The following FOXP2 variants were observed in gnomAD, a reference collection of about 807,000 sequenced individuals.
The protein encoded by FOXP2 is forkhead box protein P2.
A neutral mutation model predicts 115.8 loss-of-function variants in FOXP2; 12 were observed. That is an observed-to-expected ratio of 0.10 (90% CI 0.07 to 0.17). The LOEUF (loss-of-function observed/expected upper bound fraction) is 0.17, where lower values mean the gene tolerates loss of function less well. FOXP2 is among the 10% of genes least tolerant of loss of function. The probability of loss-of-function intolerance (pLI) is 1.00; values close to 1 mark genes in which losing one functional copy is unlikely to be tolerated. For synonymous variants in FOXP2, 328 were observed against 297.7 expected, an observed-to-expected ratio of 1.10 and a Z score of -1.05; for missense variants, 629 against 843.5, an observed-to-expected ratio of 0.75 and a Z score of 3.15.
At chr7:114,471,113 T>A (rs1053594112) in intron 2 of FOXP2, among the ~76,000 whole-genome samples, 2 of 152,210 alleles carry the variant, frequency 1.3e-5, no homozygotes, top group Admixed American at 1.3e-4. Context: ...TTCTTCAGTA[T>A]TTTTTAAGTA....
chr7:114,391,264 G>A (rs749542893), intron 2 of FOXP2, among the ~76,000 whole-genome samples: 42 of 151,934 alleles, frequency 2.8e-4, no homozygotes, highest in Non-Finnish European at 5.4e-4. Context: ...TCCATTTGGC[G>A]ACATGCCCCT....
At chr7:114,196,138 G>A (rs1219530635) in intron 1 of FOXP2, among the ~76,000 whole-genome samples, 3 of 151,922 alleles carry the variant, frequency 2.0e-5, no homozygotes, top group Admixed American at 6.6e-5. Context: ...TCAGCCTCCC[G>A]AGTAGCTGGG....
intron 2 of FOXP2, among the ~76,000 whole-genome samples, chr7:114,373,719 C>T (rs542583924): frequency 1.4e-4 from 22 of 152,308 alleles, no homozygotes; most frequent in African/African-American, 5.1e-4. Flanking sequence ...CTGTAGATAT[C>T]GTTTTCATGT....
At chr7:114,419,016 T>G (rs1793476893) in intron 1 of FOXP2, among the ~76,000 whole-genome samples, 1 of 152,106 alleles carries the variant, frequency 6.6e-6, no homozygotes, top group South Asian at 2.1e-4. Flanking sequence ...CACACTCTTC[T>G]CAGTTGCTTT....
chr7:114,692,669 G>A lies in FOXP2; in HGVS notation c.*2743G>A. 1 of 444,002 alleles carries A rather than the reference G, an allele frequency of 2.3e-6. No homozygotes were observed. Among genetic ancestry groups the A allele is most frequent in the Non-Finnish European group, 4.5e-6 (1 of 222,786 alleles). 27.5% of individuals were successfully genotyped at this position (444,002 alleles called of 1,614,324 possible). On this transcript the variant is annotated 3_prime_UTR_variant, in exon 17 of 17. Coordinates refer to ENST00000350908, the MANE Select transcript of FOXP2 (RefSeq NM_014491.4). ...ATGTATTTATTGCTTGAACTTCTGT[G>A]CATACCTTATAAAGCATAATGTCTG...
intron 2 of FOXP2, among the ~76,000 whole-genome samples, chr7:114,529,492 T>A (rs911864309): frequency 6.6e-6 from 1 of 151,864 alleles, no homozygotes; most frequent in Non-Finnish European, 1.5e-5. Context: ...CTTATTATAG[T>A]GTAGTATTAT....
chr7:114,604,906 A>T (rs1209454999), intron 3 of FOXP2, among the ~76,000 whole-genome samples: 2 of 152,212 alleles, frequency 1.3e-5, no homozygotes, highest in Non-Finnish European at 2.9e-5. Flanking sequence ...ATTTAAATTC[A>T]GTTCCAGTCC....
intron 1 of FOXP2, among the ~76,000 whole-genome samples, chr7:114,224,311 G>C (rs1794695631): frequency 6.6e-6 from 1 of 152,060 alleles, no homozygotes; most frequent in Non-Finnish European, 1.5e-5. Context: ...GAAAGCTTTT[G>C]GGATTTTCAT....
intron 1 of FOXP2, among the ~76,000 whole-genome samples, chr7:114,129,959 C>T (rs1791824693): frequency 6.6e-6 from 1 of 152,110 alleles, no homozygotes; most frequent in Non-Finnish European, 1.5e-5. Flanking sequence ...GTCACTAAAA[C>T]ATCACAAAAT....
chr7:114,214,456 A>C (rs1416638193), intron 1 of FOXP2, among the ~76,000 whole-genome samples: 1 of 152,210 alleles, frequency 6.6e-6, no homozygotes, highest in Non-Finnish European at 1.5e-5. Flanking sequence ...ATTAAAACCA[A>C]AGAAGTAACT....
intron 1 of FOXP2, among the ~76,000 whole-genome samples, chr7:114,166,995 T>A (rs1308130485): frequency 1.3e-5 from 2 of 152,190 alleles, no homozygotes; most frequent in Non-Finnish European, 2.9e-5. Flanking sequence ...ATATAACCAC[T>A]TTGAAAGACA....
chr7:114,143,147 CAATAATAATAATAAT>C (rs77761140), intron 1 of FOXP2, among the ~76,000 whole-genome samples: 11 of 139,552 alleles, frequency 7.9e-5, no homozygotes, highest in Non-Finnish European at 1.7e-4. Flanking sequence ...GACCCTGTCT[CAATAATAATAATAAT>C]AATAATAATA....
At chr7:114,172,824 T>G (rs1416407498) in intron 1 of FOXP2, among the ~76,000 whole-genome samples, 1 of 152,096 alleles carries the variant, frequency 6.6e-6, no homozygotes, top group African/African-American at 2.4e-5. Context: ...AGTGAGATAA[T>G]TTCAAATTTG....
At chr7:114,229,121 G>A (rs1053799537) in intron 1 of FOXP2, among the ~76,000 whole-genome samples, 1 of 151,188 alleles carries the variant, frequency 6.6e-6, no homozygotes, top group African/African-American at 2.4e-5. Context: ...CAACCAGATA[G>A]ACTTTAAGTC....
intron 1 of FOXP2, among the ~76,000 whole-genome samples, chr7:114,230,650 A>C (rs1412502041): frequency 6.6e-6 from 1 of 151,958 alleles, no homozygotes; most frequent in African/African-American, 2.4e-5. Flanking sequence ...ATGCAGAAAA[A>C]CCATTTCACA....
intron 1 of FOXP2, among the ~76,000 whole-genome samples, chr7:114,268,067 G>A (rs1480027280): frequency 6.6e-6 from 1 of 152,028 alleles, no homozygotes. Context: ...TTGTCCTCTT[G>A]TGAACTGGCT....
chr7:114,220,142 T>A (rs1794586764), intron 1 of FOXP2, among the ~76,000 whole-genome samples: 2 of 151,890 alleles, frequency 1.3e-5, no homozygotes, highest in Non-Finnish European at 2.9e-5. Flanking sequence ...GTGCTGGGAT[T>A]AGAGCCACCG....
chr7:114,266,235 T>G (rs1231061416), intron 1 of FOXP2, among the ~76,000 whole-genome samples: 1 of 152,144 alleles, frequency 6.6e-6, no homozygotes. Context: ...CCTCTTCCTA[T>G]TACCCAGTTC....
chr7:114,151,026 A>C (rs1379593345), intron 1 of FOXP2, among the ~76,000 whole-genome samples: 2 of 152,068 alleles, frequency 1.3e-5, no homozygotes, highest in African/African-American at 4.8e-5. Context: ...AAGGGGTCAT[A>C]ATGTCTCATC....
Sources: gnomAD v4.1 joint callset for allele counts (sites outside exome capture counted in the v4.1 genomes callset) on GRCh38, gnomAD v4.1.1 for gene constraint, MANE v1.5 for transcripts, NCBI Gene and HGNC (gene_info 2026-07-23, HGNC 2026-07-21) for gene names.